Variants in GRID2 observed in about 807,000 individuals in gnomAD.
GRID2 encodes the protein glutamate receptor ionotropic, delta-2.
GRID2 carries 33 observed loss-of-function variants against 114.8 expected under a neutral mutation model. The observed-to-expected ratio is 0.29, with a 90% CI of 0.22 to 0.38. The LOEUF (loss-of-function observed/expected upper bound fraction) is 0.38, where lower values mean the gene tolerates loss of function less well. Among genes scored for constraint, GRID2 ranks in the 10% least tolerant of loss-of-function variants. The pLI is 1.00. For synonymous variants in GRID2, 505 were observed against 449.9 expected (o/e 1.12, Z -1.55); for missense variants, 1,184 against 1,257.7 (o/e 0.94, Z 0.89).
chr4:92,995,885 C>G (rs563954559), intron 2 of GRID2, among the ~76,000 whole-genome samples: 3 of 151,928 alleles, frequency 2.0e-5, no homozygotes, highest in Non-Finnish European at 4.4e-5. Flanking sequence ...TTTTGGAAGA[C>G]TTGATATTCT....
chr4:92,989,019 C>T (rs1451371810), intron 2 of GRID2, among the ~76,000 whole-genome samples: 2 of 152,000 alleles, frequency 1.3e-5, no homozygotes, highest in African/African-American at 4.8e-5. Context: ...GTGGCTCAAG[C>T]CTGTAATCCC....
chr4:93,416,556 T>G (rs1210129770), intron 9 of GRID2, among the ~76,000 whole-genome samples: 2 of 152,090 alleles, frequency 1.3e-5, no homozygotes, highest in African/African-American at 2.4e-5. Flanking sequence ...TATTAAAACC[T>G]CTAAACAGCT....
At chr4:93,495,275 A>C (rs758797104) in intron 12 of GRID2, among the ~76,000 whole-genome samples, 4 of 151,802 alleles carry the variant, frequency 2.6e-5, no homozygotes, top group Admixed American at 6.6e-5. Flanking sequence ...TAAATATTCT[A>C]TTACTAAAGA....
At chr4:93,111,696 C>T (rs1338878547) in intron 4 of GRID2, among the ~76,000 whole-genome samples, 2 of 149,442 alleles carry the variant, frequency 1.3e-5, no homozygotes, top group Non-Finnish European at 3.0e-5. Flanking sequence ...CAAACTTTCA[C>T]ATGGAATTTT....
intron 1 of GRID2, among the ~76,000 whole-genome samples, chr4:92,335,376 T>C (rs1047604559): frequency 3.9e-5 from 6 of 152,226 alleles, no homozygotes; most frequent in African/African-American, 1.4e-4. Context: ...TTCTCACAGA[T>C]TTATTGTCAA....
chr4:93,514,862 T>TA (rs1398206973), intron 12 of GRID2, among the ~76,000 whole-genome samples: 1 of 152,214 alleles, frequency 6.6e-6, no homozygotes, highest in Non-Finnish European at 1.5e-5. Flanking sequence ...GAAAGTTTTT[T>TA]AAATTACTAA....
At chr4:93,629,639 A>G (rs1179702170) in intron 14 of GRID2, among the ~76,000 whole-genome samples, 1 of 152,144 alleles carries the variant, frequency 6.6e-6, no homozygotes, top group East Asian at 1.9e-4. Flanking sequence ...GATATTACAT[A>G]TTACTATTGT....
chr4:92,485,584 G>A (rs2149108761), intron 1 of GRID2, among the ~76,000 whole-genome samples: 1 of 151,604 alleles, frequency 6.6e-6, no homozygotes, highest in Non-Finnish European at 1.5e-5. Context: ...CAGCTACTTG[G>A]TAGGATGAGG....
At chr4:92,369,279 T>C (rs1252377699) in intron 1 of GRID2, among the ~76,000 whole-genome samples, 1 of 152,066 alleles carries the variant, frequency 6.6e-6, no homozygotes, top group East Asian at 1.9e-4. Flanking sequence ...TCACAGAGAT[T>C]CCCCTAATGT....
chr4:92,344,584 C>T (rs539044082), intron 1 of GRID2, among the ~76,000 whole-genome samples: 46 of 152,268 alleles, frequency 3.0e-4, no homozygotes, highest in Admixed American at 1.9e-3. Context: ...TTTCTTCACT[C>T]GGATTCGAGT....
At chr4:92,305,312 G>A (rs1725320869) in intron 1 of GRID2, among the ~76,000 whole-genome samples, 1 of 152,124 alleles carries the variant, frequency 6.6e-6, no homozygotes, top group African/African-American at 2.4e-5. Flanking sequence ...ACATCTTCTT[G>A]GCTTTATGAT....
At chr4:93,580,915 T>A (rs1016958468) in intron 13 of GRID2, among the ~76,000 whole-genome samples, 1 of 151,428 alleles carries the variant, frequency 6.6e-6, no homozygotes, top group African/African-American at 2.4e-5. Flanking sequence ...GGGATACATG[T>A]GCAGATTACA....
chr4:93,206,888 G>A (rs756402270), intron 4 of GRID2, among the ~76,000 whole-genome samples: 5 of 151,920 alleles, frequency 3.3e-5, no homozygotes, highest in Non-Finnish European at 5.9e-5. Context: ...TAGAATACAC[G>A]TTACAAACAT....
intron 2 of GRID2, among the ~76,000 whole-genome samples, chr4:93,060,348 G>T (rs1369825583): frequency 6.6e-6 from 1 of 152,104 alleles, no homozygotes; most frequent in African/African-American, 2.4e-5. Flanking sequence ...TCCCACATGT[G>T]CAGATAGTAG....
At chr4:92,642,873 T>C (rs1168744531) in intron 2 of GRID2, among the ~76,000 whole-genome samples, 1 of 151,848 alleles carries the variant, frequency 6.6e-6, no homozygotes, top group Non-Finnish European at 1.5e-5. Flanking sequence ...TTCTTCTGCA[T>C]GCTTGTTTAT....
chr4:93,418,916 G>GA (rs1044525540), intron 9 of GRID2, among the ~76,000 whole-genome samples: 3 of 151,604 alleles, frequency 2.0e-5, no homozygotes, highest in Non-Finnish European at 3.0e-5. Context: ...TCCATAGGTG[G>GA]AAAAAAATAG....
intron 8 of GRID2, among the ~76,000 whole-genome samples, chr4:93,277,777 C>T (rs1752212908): frequency 6.6e-6 from 1 of 151,804 alleles, no homozygotes; most frequent in African/African-American, 2.4e-5. Flanking sequence ...AGTATCTGCC[C>T]CTCTTTGCAT....
intron 14 of GRID2, among the ~76,000 whole-genome samples, chr4:93,647,505 G>A (rs186071612): frequency 5.3e-5 from 8 of 152,270 alleles, no homozygotes; most frequent in Admixed American, 5.2e-4. Context: ...TGTCCACAGG[G>A]ACAGAGGTAA....
chr4:93,363,189 C>T (rs1256867150), intron 8 of GRID2, among the ~76,000 whole-genome samples: 6 of 152,154 alleles, frequency 3.9e-5, no homozygotes, highest in Admixed American at 6.5e-5. Context: ...TGCACTCCAG[C>T]CTGGACGACA....
Sources: gnomAD v4.1 joint callset for allele counts (sites outside exome capture counted in the v4.1 genomes callset) on GRCh38, gnomAD v4.1.1 for gene constraint, MANE v1.5 for transcripts, NCBI Gene and HGNC (gene_info 2026-07-23, HGNC 2026-07-21) for gene names.